PCNX2: variants seen among roughly 807,000 people sequenced by gnomAD.
PCNX2 encodes pecanex-like protein 2.
PCNX2 carries 168 observed loss-of-function variants against 223.8 expected under a neutral mutation model. The observed-to-expected ratio is 0.75, with a 90% CI of 0.66 to 0.85. The LOEUF (loss-of-function observed/expected upper bound fraction) is 0.85. PCNX2 is among the 40% of genes least tolerant of loss of function. The probability of loss-of-function intolerance (pLI) is 0.00; values close to 1 mark genes in which losing one functional copy is unlikely to be tolerated. For missense variants in PCNX2, 2,507 were observed against 2,675.5 expected (o/e 0.94, Z 1.39); for synonymous variants, 1,006 against 1,052.6 (o/e 0.96, Z 0.86).
chr1:233,263,014 C>T lies in PCNX2; in HGVS notation c.303G>A (p.Lys101=). The change falls in exon 2 of 34, where the codon AAG becomes AAA. Residue 101 remains lysine, a synonymous_variant. Coordinates refer to ENST00000258229, the MANE Select transcript of PCNX2 (RefSeq NM_014801.4). Reference sequence around the variant, plus strand: ...CTTTGGCCTCCTTGTCTTTATTTGGCTTTTCTTCCTTTCTGGAGGGCTTTT... The same window carrying T: ...CTTTGGCCTCCTTGTCTTTATTTGGTTTTTCTTCCTTTCTGGAGGGCTTTT... ...IQQKPSRKEE[K]PNKDKEAKGE... 4 of 1,613,732 alleles carry T rather than the reference C, an allele frequency of 2.5e-6. No homozygotes were observed. The highest frequency in any genetic ancestry group is 1.7e-6 in the Non-Finnish European group (2 of 1,179,808).
chr1:233,135,660 A>G (rs1215216823), intron 20 of PCNX2, among the ~76,000 whole-genome samples: 2 of 152,218 alleles, frequency 1.3e-5, no homozygotes, highest in Admixed American at 1.3e-4. Flanking sequence ...TCTTCATGAG[A>G]AAAGAATCCA....
At chr1:233,057,904 CAGAACTTG>C in intron 23 of PCNX2, 4 of 984,992 alleles carry the variant, frequency 4.1e-6, no homozygotes, top group Non-Finnish European at 4.8e-6. Context: ...TACCCACTTT[CAGAACTTG>C]AGAACAGTGT....
chr1:233,050,063 G>T (rs1320540547), intron 25 of PCNX2, among the ~76,000 whole-genome samples: 4 of 151,738 alleles, frequency 2.6e-5, no homozygotes, highest in Admixed American at 2.6e-4. Context: ...ACAGGGAGGG[G>T]AACATCACAC....
chr1:233,210,857 C>G (rs974134789), intron 12 of PCNX2, among the ~76,000 whole-genome samples: 2 of 152,142 alleles, frequency 1.3e-5, no homozygotes, highest in African/African-American at 4.8e-5. Flanking sequence ...AAGGCTATTG[C>G]ACAAAAGCAG....
chr1:233,316,115 T>C, the PCNX2 span, among the ~76,000 whole-genome samples: 1 of 152,216 alleles, frequency 6.6e-6, no homozygotes, highest in Non-Finnish European at 1.5e-5. Context: ...AAGTAGCTCA[T>C]TGTCCATTTC....
At chr1:233,322,693 G>A in the PCNX2 span, among the ~76,000 whole-genome samples, 1 of 152,172 alleles carries the variant, frequency 6.6e-6, no homozygotes, top group South Asian at 2.1e-4. Flanking sequence ...GAAGGGCAGA[G>A]CACAGAGTCA....
chr1:233,304,212 CAT>C, the PCNX2 span, among the ~76,000 whole-genome samples: 1 of 152,082 alleles, frequency 6.6e-6, no homozygotes, highest in African/African-American at 2.4e-5. Flanking sequence ...ATGGGGGACA[CAT>C]ATGAAGAAGT....
Position 233,178,123 on chromosome 1 carries a change from T to C in PCNX2, c.3177-225A>G, listed in dbSNP as rs987750097. 3.3e-5 allele frequency among the ~76,000 whole-genome samples: 5 copies of C among 152,238 alleles called. No homozygotes were observed. The East Asian group carries it at 5.8e-4, about 18-fold the overall frequency. On this transcript the variant is annotated intron_variant, in intron 16 of 33. Transcript: ENST00000258229. Reference sequence around the variant, plus strand: ...GCAGTCAAGTACCTTAGCAGTATCATTGCCCTCTATTGTCAGCAGTGGGAC... The same window carrying C: ...GCAGTCAAGTACCTTAGCAGTATCACTGCCCTCTATTGTCAGCAGTGGGAC...
Position 233,033,058 on chromosome 1 carries a change from G to A in PCNX2, c.4352-7659C>T, listed in dbSNP as rs892060369. 314 of 985,326 alleles carry A rather than the reference G, an allele frequency of 3.2e-4. 2 individuals are homozygous for A. Among genetic ancestry groups the A allele is most frequent in the Non-Finnish European group, 8.3e-5 (69 of 829,938 alleles). 61.0% of individuals were successfully genotyped at this position (985,326 alleles called of 1,614,324 possible). A position where few individuals can be genotyped will look rare whatever the true frequency, so the allele number is the denominator to read the frequency against. ...ATTCCCTCCAAAGGAAATGCTGAAGGTCAACCCGCCCACACAGTGTGACCT... is the reference window on the plus strand; with the variant it reads ...ATTCCCTCCAAAGGAAATGCTGAAGATCAACCCGCCCACACAGTGTGACCT... On this transcript the variant is annotated intron_variant, in intron 25 of 33. Transcript: ENST00000258229.
chr1:233,038,499 T>C (rs1294430941), intron 25 of PCNX2, among the ~76,000 whole-genome samples: 2 of 152,212 alleles, frequency 1.3e-5, no homozygotes, highest in East Asian at 3.8e-4. Context: ...CTTCCCAGAC[T>C]TGCTATCTAG....
At chr1:233,164,809 T>C (rs1434847920) in intron 17 of PCNX2, among the ~76,000 whole-genome samples, 1 of 151,984 alleles carries the variant, frequency 6.6e-6, no homozygotes, top group Non-Finnish European at 1.5e-5. Flanking sequence ...AGTTCACTTA[T>C]TTGTAGAATC....
intron 1 of PCNX2, among the ~76,000 whole-genome samples, chr1:233,272,494 T>C (rs916561807): frequency 3.9e-5 from 6 of 151,952 alleles, no homozygotes; most frequent in African/African-American, 1.4e-4. Context: ...GAAAAAATAA[T>C]AGGTGTTGTC....
At chr1:233,011,997 T>G (rs1386989543) in intron 28 of PCNX2, among the ~76,000 whole-genome samples, 1 of 152,080 alleles carries the variant, frequency 6.6e-6, no homozygotes, top group Non-Finnish European at 1.5e-5. Flanking sequence ...CTTCAACCTG[T>G]GGGTTCTGAC....
intron 21 of PCNX2, among the ~76,000 whole-genome samples, chr1:233,102,963 C>T (rs1306311351): frequency 9.2e-6 from 1 of 108,314 alleles, no homozygotes. Flanking sequence ...TGAAGCATTT[C>T]CCCAGTGTTT....
rs140783536 is a variant in PCNX2 at position 233,167,912 on chromosome 1, G to A, written c.3274-6549C>T. The stretch of plus-strand genomic sequence containing the variant: ...AATATATGTAGGTTTTTTCAGGTAG[G>A]TATATTTTATTTTGATCTTAGTTTT... On this transcript the variant is annotated intron_variant, in intron 17 of 33. Coordinates refer to ENST00000258229, the MANE Select transcript of PCNX2 (RefSeq NM_014801.4). 46 of 766,308 alleles carry A rather than the reference G, an allele frequency of 6.0e-5. No homozygotes were observed. The African/African-American group carries it at 7.2e-4, about 12-fold the overall frequency. The allele number at this position is 766,308 out of a possible 1,614,324, so 47.5% of individuals were successfully genotyped here.
chr1:233,075,522 G>C (rs758923414), intron 23 of PCNX2, among the ~76,000 whole-genome samples: 1 of 152,064 alleles, frequency 6.6e-6, no homozygotes, highest in African/African-American at 2.4e-5. Context: ...TGTTTGTTAC[G>C]TGTCACTAAT....
chr1:233,288,802 C>A (rs61823946), intron 1 of PCNX2: 127 of 654,610 alleles, frequency 1.9e-4, no homozygotes, highest in Non-Finnish European at 2.6e-4. Context: ...AGGAAAGATG[C>A]CCTTTTTTTT....
intron 26 of PCNX2, 28 bp downstream of exon 26, chr1:233,025,118 C>T (rs760613204): frequency 2.5e-6 from 4 of 1,612,114 alleles, no homozygotes; most frequent in Non-Finnish European, 2.5e-6. Flanking sequence ...GCATTTCTGC[C>T]TTAGGTGTTT....
intron 21 of PCNX2, among the ~76,000 whole-genome samples, chr1:233,131,418 G>T (rs1397245367): frequency 6.6e-6 from 1 of 152,014 alleles, no homozygotes; most frequent in East Asian, 1.9e-4. Flanking sequence ...AGAATGAAAA[G>T]GAGCTATCAA....
Sources: gnomAD v4.1 joint callset for allele counts (sites outside exome capture counted in the v4.1 genomes callset) on GRCh38, gnomAD v4.1.1 for gene constraint, MANE v1.5 for transcripts, NCBI Gene and HGNC (gene_info 2026-07-23, HGNC 2026-07-21) for gene names.